GRIP1: variants seen among roughly 807,000 people sequenced by gnomAD.
GRIP1 encodes glutamate receptor-interacting protein 1.
GRIP1 carries 45 observed loss-of-function variants against 129.9 expected under a neutral mutation model. That is an observed-to-expected ratio of 0.35 (90% CI 0.27 to 0.44). GRIP1 has a LOEUF of 0.44. Among genes scored for constraint, GRIP1 ranks in the 20% least tolerant of loss-of-function variants. GRIP1 has a pLI of 1.00. For synonymous variants in GRIP1, 530 were observed against 520.8 expected (o/e 1.02, Z -0.24); for missense variants, 1,196 against 1,396.8 (o/e 0.86, Z 2.29).
At position 66,444,094 on chromosome 12, in the gene GRIP1, T is replaced by C. The variant is rs531175720; in HGVS notation, c.1687+490A>G. ...TACAATTTGTCACATTTATTTTCAG[T>C]TGTTCTTGTGGTGACATTTTAAGGA... is the stretch of plus-strand genomic sequence containing the variant. On this transcript the variant is annotated intron_variant, in intron 13 of 24. Transcript: ENST00000359742. Among the ~76,000 whole-genome samples, 6 of 152,372 alleles carry C rather than the reference T, an allele frequency of 3.9e-5. No homozygotes were observed. The South Asian group carries it at 1.2e-3, about 32-fold the overall frequency.
intron 1 of GRIP1, among the ~76,000 whole-genome samples, chr12:66,861,012 T>TACCCAGGATAATACC (rs1276783693): frequency 6.6e-6 from 1 of 152,032 alleles, no homozygotes; most frequent in Non-Finnish European, 1.5e-5. Flanking sequence ...CAGGATAATA[T>TACCCAGGATAATACC]CAGTGTGGAG....
At chr12:66,971,082 C>T (rs945752536) in intron 1 of GRIP1, among the ~76,000 whole-genome samples, 1 of 152,142 alleles carries the variant, frequency 6.6e-6, no homozygotes, top group Non-Finnish European at 1.5e-5. Flanking sequence ...GAGTTCCACT[C>T]TCAAGCTAGT....
chr12:67,022,225 T>C (rs1041933982), intron 1 of GRIP1, among the ~76,000 whole-genome samples: 2 of 152,324 alleles, frequency 1.3e-5, no homozygotes, highest in Non-Finnish European at 1.5e-5. Flanking sequence ...TGCTGGATCA[T>C]ATGGTAGTTG....
At chr12:66,930,306 T>G (rs2137401555) in intron 1 of GRIP1, among the ~76,000 whole-genome samples, 1 of 135,218 alleles carries the variant, frequency 7.4e-6, no homozygotes, top group Non-Finnish European at 1.6e-5. Flanking sequence ...CCTTCCTGTG[T>G]CCATGTGTTC....
intron 1 of GRIP1, among the ~76,000 whole-genome samples, chr12:66,696,230 T>C (rs1434267394): frequency 6.6e-6 from 1 of 152,076 alleles, no homozygotes; most frequent in African/African-American, 2.4e-5. Flanking sequence ...CCAGTAGACA[T>C]ACAGAAACAC....
intron 4 of GRIP1, among the ~76,000 whole-genome samples, chr12:66,535,615 G>C (rs1592506878): frequency 6.6e-6 from 1 of 152,292 alleles, no homozygotes; most frequent in South Asian, 2.1e-4. Flanking sequence ...TGCTGACACA[G>C]TCTAAGCCTT....
chr12:67,040,712 T>A (rs1410531351), intron 1 of GRIP1, among the ~76,000 whole-genome samples: 1 of 152,114 alleles, frequency 6.6e-6, no homozygotes, highest in Non-Finnish European at 1.5e-5. Flanking sequence ...ATAAAAAAAT[T>A]GAATGAAATT....
At chr12:66,806,257 G>C (rs998360184), upstream of GRIP1, among the ~76,000 whole-genome samples, 2 of 152,018 alleles carry the variant, frequency 1.3e-5, no homozygotes, top group African/African-American at 4.8e-5. Context: ...TATCATGGCA[G>C]GTAGTAGCAG....
At chr12:66,768,090 C>T (rs527929916) in intron 1 of GRIP1, among the ~76,000 whole-genome samples, 18 of 152,316 alleles carry the variant, frequency 1.2e-4, no homozygotes, top group African/African-American at 4.3e-4. Flanking sequence ...CAGAACTATA[C>T]ATCCAGTGAC....
At chr12:66,880,702 T>C (rs557852540) in intron 1 of GRIP1, among the ~76,000 whole-genome samples, 84 of 152,130 alleles carry the variant, frequency 5.5e-4, no homozygotes, top group Non-Finnish European at 9.9e-4. Context: ...CCATGGAAAA[T>C]AGTGGGAACA....
At chr12:66,748,755 T>C (rs1014365) in intron 1 of GRIP1, among the ~76,000 whole-genome samples, 40,025 of 152,132 alleles carry the variant, frequency 0.26, 6,138 homozygotes, top group East Asian at 0.37. Context: ...TTCTATTTCA[T>C]TGAGTCTGAA....
In GRIP1 at chr12:66,406,546, G is replaced by A; in HGVS notation, c.1839-118C>T. ...TCTTTAGAGGAAAAGAGGTTCAACT[G>A]TTTTTAAATTGTACTTCATTGACAA... On this transcript the variant is annotated intron_variant, in intron 15 of 24. Coordinates refer to ENST00000359742, the MANE Select transcript of GRIP1 (RefSeq NM_001366722.1). 5 of 1,017,316 alleles carry A rather than the reference G, an allele frequency of 4.9e-6. No individual in the cohort carries two copies. In the Admixed American group the frequency reaches 6.9e-5, roughly 14 times the overall value. The allele number at this position is 1,017,316 out of a possible 1,614,324, so 63.0% of individuals were successfully genotyped here.
At chr12:67,047,058 AT>A (rs1330656364) in intron 1 of GRIP1, among the ~76,000 whole-genome samples, 1 of 152,186 alleles carries the variant, frequency 6.6e-6, no homozygotes, top group Non-Finnish European at 1.5e-5. Flanking sequence ...TCAATACACA[AT>A]TACCATTTAC....
intron 1 of GRIP1, among the ~76,000 whole-genome samples, chr12:66,698,637 C>T (rs1203496081): frequency 2.6e-5 from 4 of 152,092 alleles, no homozygotes; most frequent in African/African-American, 4.8e-5. Flanking sequence ...CTTGTTTGTT[C>T]GGTGAAGATA....
At chr12:66,596,956 A>G in intron 1 of GRIP1, 29 bp from the exon 2 acceptor site, 1 of 1,448,648 alleles carries the variant, frequency 6.9e-7, no homozygotes, top group Non-Finnish European at 9.7e-7. Flanking sequence ...GCGTTTGGTT[A>G]ATTTCCATCC....
intron 7 of GRIP1, among the ~76,000 whole-genome samples, chr12:66,474,923 A>G (rs1489336514): frequency 2.0e-5 from 3 of 152,206 alleles, no homozygotes; most frequent in Non-Finnish European, 4.4e-5. Flanking sequence ...GCATCAACTA[A>G]CAAGCAAAAT....
intron 1 of GRIP1, among the ~76,000 whole-genome samples, chr12:66,886,675 G>T (rs1324957889): frequency 6.6e-6 from 1 of 152,082 alleles, no homozygotes; most frequent in Non-Finnish European, 1.5e-5. Flanking sequence ...CTTTTAGTTG[G>T]TGACAGTACT....
At chr12:66,888,892 C>A (rs1040708812) in intron 1 of GRIP1, among the ~76,000 whole-genome samples, 8 of 152,088 alleles carry the variant, frequency 5.3e-5, no homozygotes, top group Admixed American at 2.6e-4. Flanking sequence ...AAATTCAAAT[C>A]TGAGTAAGAG....
intron 1 of GRIP1, among the ~76,000 whole-genome samples, chr12:66,888,162 C>T (rs2040596949): frequency 6.6e-6 from 1 of 151,702 alleles, no homozygotes; most frequent in African/African-American, 2.4e-5. Context: ...CTCAAGTGAT[C>T]CTCCCACCTC....
Sources: gnomAD v4.1 joint callset for allele counts (sites outside exome capture counted in the v4.1 genomes callset) on GRCh38, gnomAD v4.1.1 for gene constraint, MANE v1.5 for transcripts, NCBI Gene and HGNC (gene_info 2026-07-23, HGNC 2026-07-21) for gene names.